The following SCOC variants were observed in gnomAD, a reference collection of about 807,000 sequenced individuals.
SCOC encodes short coiled coil protein.
In SCOC, 7 loss-of-function variants were observed where a neutral mutation model predicts 9.9. The observed-to-expected ratio is 0.71, with a 90% CI of 0.40 to 1.33. The LOEUF is 1.33. SCOC is among the 40% of genes most tolerant of loss of function. The pLI, the probability that SCOC is intolerant of heterozygous loss-of-function variation, is 0.01. For synonymous variants in SCOC, 19 were observed against 28.2 expected, an observed-to-expected ratio of 0.67 and a Z score of 1.03; for missense variants, 66 against 89.7, an observed-to-expected ratio of 0.74 and a Z score of 1.07.
chr4:140,295,948 G>GA lies in SCOC; in HGVS notation c.-19+38541dup, dbSNP rs35704815. 1.8e-3 allele frequency among the ~76,000 whole-genome samples: 226 copies of GA among 127,174 alleles called. 3 individuals are homozygous for GA. The highest frequency in any genetic ancestry group is 6.8e-3 in the African/African-American group (205 of 30,264). The allele number at this position is 127,174 out of a possible 152,430, so 83.4% of individuals were successfully genotyped here. A position where few individuals can be genotyped will look rare whatever the true frequency, so the allele number is the denominator to read the frequency against. ...TCCGTCTCAAAAAAAAAAAAAAAAA[G>GA]AAAGAAAGAAAAAAAAAAAGAAAAT... On this transcript the variant is annotated intron_variant, in intron 1 of 4. Coordinates refer to the SCOC transcript ENST00000394205.
intron 2 of SCOC, among the ~76,000 whole-genome samples, chr4:140,355,250 A>T (rs1727175824): frequency 7.2e-6 from 1 of 138,234 alleles, no homozygotes; most frequent in Non-Finnish European, 1.6e-5. Context: ...TATATATATA[A>T]TGTATATAAA....
chr4:140,280,142 G>A (rs1374943288), intron 1 of SCOC, among the ~76,000 whole-genome samples: 3 of 152,002 alleles, frequency 2.0e-5, no homozygotes, highest in African/African-American at 7.3e-5. Context: ...TTTGAGACAG[G>A]GTCTAGCTTT....
chr4:140,304,221 T>G (rs568092746), intron 1 of SCOC, among the ~76,000 whole-genome samples: 1 of 152,150 alleles, frequency 6.6e-6, no homozygotes, highest in South Asian at 2.1e-4. Context: ...TACAAGACAC[T>G]GGTGACAGGC....
intron 2 of SCOC, among the ~76,000 whole-genome samples, chr4:140,351,643 G>A (rs554117046): frequency 2.0e-5 from 3 of 152,084 alleles, no homozygotes; most frequent in Admixed American, 6.5e-5. Flanking sequence ...TATGGAAAAT[G>A]TAACAATACC....
In SCOC at chr4:140,355,211, T is replaced by TATATA. The variant is rs60752527; in HGVS notation, c.70+11503_70+11504insATATA. ...ACTTCTCAGCCTATACATTATATTT[T>TATATA]TATATATATATATATATATATATAT... On this transcript the variant is annotated intron_variant, in intron 2 of 4. Transcript: ENST00000338517. Among the ~76,000 whole-genome samples, 141 of 61,366 alleles carry TATATA rather than the reference T, an allele frequency of 2.3e-3. 1 individual carries two copies. The highest frequency in any genetic ancestry group is 4.2e-3 in the Non-Finnish European group (102 of 24,370). 40.3% of individuals were successfully genotyped at this position (61,366 alleles called of 152,430 possible). A position where few individuals can be genotyped will look rare whatever the true frequency, so the allele number is the denominator to read the frequency against.
chr4:140,307,761 A>C (rs56217457), intron 1 of SCOC, among the ~76,000 whole-genome samples: 20,493 of 152,128 alleles, frequency 0.13, 1,658 homozygotes, highest in African/African-American at 0.22. Flanking sequence ...TCCTATCTCC[A>C]AGGAGATGCT....
intron 2 of SCOC, among the ~76,000 whole-genome samples, chr4:140,362,227 G>C (rs1244469355): frequency 9.5e-6 from 1 of 105,118 alleles, no homozygotes; most frequent in Non-Finnish European, 2.1e-5. Context: ...CTAATTTTAA[G>C]CAATTGTTTT....
intron 1 of SCOC, among the ~76,000 whole-genome samples, chr4:140,308,258 C>T (rs1732047773): frequency 6.6e-6 from 1 of 152,192 alleles, no homozygotes; most frequent in Non-Finnish European, 1.5e-5. Context: ...TATTCCCTAC[C>T]TCAAAACCTT....
At chr4:140,328,660 T>G in intron 1 of SCOC, among the ~76,000 whole-genome samples, 1 of 152,230 alleles carries the variant, frequency 6.6e-6, no homozygotes, top group East Asian at 1.9e-4. Context: ...GTTGGATACA[T>G]ATTACGTATC....
At chr4:140,314,432 C>G (rs1278423512) in intron 1 of SCOC, 1 of 152,466 alleles carries the variant, frequency 6.6e-6, no homozygotes, top group Non-Finnish European at 1.5e-5. Context: ...TTAGGCCAGG[C>G]CCTTATGGCC....
At chr4:140,354,048 C>T (rs1272459479) in intron 2 of SCOC, among the ~76,000 whole-genome samples, 2 of 152,182 alleles carry the variant, frequency 1.3e-5, no homozygotes, top group East Asian at 1.9e-4. Context: ...AAAACACATT[C>T]TTCTTTTCTT....
At chr4:140,369,407 GATGGAAC>G (rs1727944152), upstream of SCOC, 1 of 303,698 alleles carries the variant, frequency 3.3e-6, no homozygotes, top group African/African-American at 2.3e-5. Context: ...TTAGGAATGA[GATGGAAC>G]ATGTTCTGCA....
At chr4:140,366,958 C>G (rs953454285) in intron 2 of SCOC, 1 of 488,972 alleles carries the variant, frequency 2.0e-6, no homozygotes, top group Admixed American at 3.3e-5. Context: ...GTAATCCCAG[C>G]ACTTTGGGAG....
chr4:140,335,512 G>C (rs772888277), intron 1 of SCOC, among the ~76,000 whole-genome samples: 49 of 152,162 alleles, frequency 3.2e-4, no homozygotes, highest in Non-Finnish European at 6.5e-4. Context: ...GCACTAATTT[G>C]TCAAAAATAT....
upstream of SCOC, among the ~76,000 whole-genome samples, chr4:140,340,761 G>A (rs1395040596): frequency 6.9e-6 from 1 of 144,824 alleles, no homozygotes; most frequent in Admixed American, 7.0e-5. Flanking sequence ...GTGAATATGG[G>A]GATGATAGCA....
chr4:140,277,999 C>A (rs1731021832), intron 1 of SCOC, among the ~76,000 whole-genome samples: 1 of 152,236 alleles, frequency 6.6e-6, no homozygotes, highest in South Asian at 2.1e-4. Flanking sequence ...ATTTGCAGTT[C>A]ACACAGTTTA....
At chr4:140,360,745 G>A (rs1727428402) in intron 2 of SCOC, 2 of 152,148 alleles carry the variant, frequency 1.3e-5, no homozygotes, top group Non-Finnish European at 2.9e-5. Context: ...TGCTTGGCAG[G>A]GGCTATATCA....
At chr4:140,379,091 GTC>G (rs1235297592) in intron 1 of SCOC, 28 bp from the exon 2 acceptor site, 2 of 1,332,020 alleles carry the variant, frequency 1.5e-6, no homozygotes, top group African/African-American at 2.9e-5. Flanking sequence ...TGCTGTATGT[GTC>G]TATATTTCTG....
At chr4:140,320,815 G>A (rs1277530996) in intron 1 of SCOC, among the ~76,000 whole-genome samples, 1 of 152,128 alleles carries the variant, frequency 6.6e-6, no homozygotes, top group Non-Finnish European at 1.5e-5. Flanking sequence ...AGAATACGAG[G>A]GAAAAGAAGC....
Sources: allele counts gnomAD v4.1 joint callset (sites outside exome capture counted in the v4.1 genomes callset), GRCh38; gene constraint gnomAD v4.1.1; transcripts MANE v1.5; gene names NCBI Gene and HGNC (gene_info 2026-07-23, HGNC 2026-07-21).